The following ARSG variants were observed in gnomAD, a reference collection of about 807,000 sequenced individuals.
ARSG encodes the protein ASG.
Under a neutral mutation model 50.5 loss-of-function variants are expected in ARSG, and 37 were observed. That is an observed-to-expected ratio of 0.73 (90% CI 0.56 to 0.96). ARSG has a LOEUF of 0.96. Among genes scored for constraint, ARSG ranks in the 50% least tolerant of loss-of-function variants. The pLI, the probability that ARSG is intolerant of heterozygous loss-of-function variation, is 0.00. For missense variants in ARSG, 629 were observed against 675.3 expected (o/e 0.93, Z 0.76); for synonymous variants, 225 against 254.6 (o/e 0.88, Z 1.11).
At chr17:68,280,998 C>A (rs1220864580) in intron 1 of ARSG, among the ~76,000 whole-genome samples, 1 of 151,880 alleles carries the variant, frequency 6.6e-6, no homozygotes, top group East Asian at 1.9e-4. Flanking sequence ...TGGTGGCACA[C>A]ACCTGTAGTC....
chr17:68,385,561 GGGAGGGGAGGGGAGA>G (rs1030942145), intron 9 of ARSG, among the ~76,000 whole-genome samples: 1 of 137,118 alleles, frequency 7.3e-6, no homozygotes, highest in Admixed American at 7.3e-5. Context: ...GGGAGGCGAG[GGGAGGGGAGGGGAGA>G]GGAGGGGAGG....
intron 2 of ARSG, among the ~76,000 whole-genome samples, chr17:68,325,738 A>G (rs575458890): frequency 3.3e-5 from 5 of 152,300 alleles, no homozygotes; most frequent in South Asian, 2.1e-4. Context: ...TCCATGTGAT[A>G]GTCAAGGAAG....
At chr17:68,283,704 G>T in intron 1 of ARSG, among the ~76,000 whole-genome samples, 1 of 149,700 alleles carries the variant, frequency 6.7e-6, no homozygotes, top group South Asian at 2.1e-4. Context: ...TTGAAACCCT[G>T]TCTCTACTAA....
chr17:68,426,251 G>GGGGGGGGGGGGGGGGTGT, downstream of ARSG: 1 of 825,460 alleles, frequency 1.2e-6, no homozygotes, highest in Non-Finnish European at 1.9e-6. Flanking sequence ...GTGGGGAGCG[G>GGGGGGGGGGGGGGGGTGT]GGGCTCAAAT....
downstream of ARSG, among the ~76,000 whole-genome samples, chr17:68,426,463 G>A (rs912453182): frequency 2.6e-5 from 4 of 152,064 alleles, no homozygotes; most frequent in African/African-American, 9.7e-5. Context: ...GAACTCCTGA[G>A]CCTAAGGGAT....
chr17:68,426,244 G>GA (rs1555798458), downstream of ARSG: 18 of 985,622 alleles, frequency 1.8e-5, 1 homozygote, highest in Admixed American at 1.9e-4. Flanking sequence ...CTGGCGGGTG[G>GA]GGAGCGGGGG....
chr17:68,451,683 T>A, the ARSG span, among the ~76,000 whole-genome samples: 1,727 of 152,308 alleles, frequency 0.011, 31 homozygotes, highest in African/African-American at 0.039. Context: ...GGGGTGCCAA[T>A]ATGGGAGGGG....
chr17:68,432,512 G>C, the ARSG span, among the ~76,000 whole-genome samples: 3 of 152,194 alleles, frequency 2.0e-5, no homozygotes, highest in Non-Finnish European at 4.4e-5. Context: ...ACTTTGGGAG[G>C]TTGAGGCGGG....
the ARSG span, among the ~76,000 whole-genome samples, chr17:68,440,479 A>G: frequency 6.6e-6 from 1 of 152,144 alleles, no homozygotes; most frequent in South Asian, 2.1e-4. Flanking sequence ...GAACATTTGC[A>G]AAGCCTAGAA....
downstream of ARSG, chr17:68,420,931 C>G (rs150757415): frequency 6.2e-6 from 1 of 161,272 alleles, no homozygotes; most frequent in African/African-American, 2.4e-5. Context: ...GAGCTTCTCT[C>G]TCTTTTCTCT....
chr17:68,408,380 T>A (rs2081840248), intron 11 of ARSG, among the ~76,000 whole-genome samples: 1 of 150,372 alleles, frequency 6.7e-6, no homozygotes, highest in Non-Finnish European at 1.5e-5. Flanking sequence ...TGGTGTTTGG[T>A]TTTTTGTTCT....
chr17:68,433,505 T>C, the ARSG span: 2 of 1,613,992 alleles, frequency 1.2e-6, no homozygotes, highest in Non-Finnish European at 1.7e-6. Flanking sequence ...ATGTGTACCG[T>C]CTCGGTGTTA....
chr17:68,346,700 A>T, intron 3 of ARSG: 1 of 1,216,166 alleles, frequency 8.2e-7, no homozygotes, highest in Non-Finnish European at 1.0e-6. Context: ...TGATGAAACC[A>T]GGCAGGAAGC....
At chr17:68,308,033 G>A (rs1200511421) in intron 2 of ARSG, among the ~76,000 whole-genome samples, 1 of 152,186 alleles carries the variant, frequency 6.6e-6, no homozygotes, top group Non-Finnish European at 1.5e-5. Flanking sequence ...GCTAGGTACA[G>A]TGGCTCATGG....
Position 68,379,345 on chromosome 17 carries a change from A to G in ARSG, c.983-5719A>G, listed in dbSNP as rs766760162. Among the ~76,000 whole-genome samples, 11 of 151,122 alleles carry G rather than the reference A, an allele frequency of 7.3e-5. No homozygotes were observed. In the South Asian group the frequency reaches 8.3e-4, roughly 11 times the overall value. On this transcript the variant is annotated intron_variant, in intron 8 of 11. Transcript: ENST00000621439. ...AGCCTTGACCTCCGGGGCTCAAGCA[A>G]TCCTCCTGCTTCAGCCTCCCTAGTA... is the stretch of plus-strand genomic sequence containing the variant.
intron 6 of ARSG, among the ~76,000 whole-genome samples, chr17:68,368,286 G>A (rs1368610290): frequency 2.0e-5 from 3 of 152,202 alleles, no homozygotes; most frequent in Non-Finnish European, 2.9e-5. Flanking sequence ...TGATGAGGAC[G>A]AACCTAGACA....
At position 68,339,087 on chromosome 17, in the gene ARSG, AT is replaced by A. The variant is rs767096722; in HGVS notation, c.219-4505del. Among the ~76,000 whole-genome samples the A allele has an allele frequency of 4.2e-3, 620 of 147,502 alleles. 3 individuals carry two copies. Among genetic ancestry groups the A allele is most frequent in the South Asian group, 8.7e-3 (41 of 4,694 alleles). ...GAGCATTCTCCACTCAGTTTGTAGG[AT>A]TTTTTTTTTTTAAATGAAGTGATAT... On this transcript the variant is annotated intron_variant, in intron 2 of 11. Coordinates refer to ENST00000621439, the MANE Select transcript of ARSG (RefSeq NM_001267727.2).
At chr17:68,437,192 A>G in the ARSG span, among the ~76,000 whole-genome samples, 1 of 152,132 alleles carries the variant, frequency 6.6e-6, no homozygotes, top group Non-Finnish European at 1.5e-5. Context: ...CTTTCTGCAG[A>G]TGATTATATA....
At chr17:68,325,379 C>G (rs1171870451) in intron 2 of ARSG, among the ~76,000 whole-genome samples, 24 of 152,106 alleles carry the variant, frequency 1.6e-4, no homozygotes, top group African/African-American at 5.5e-4. Flanking sequence ...CCCACTTGTT[C>G]TACATTATGG....
Sources: gnomAD v4.1 joint callset for allele counts (sites outside exome capture counted in the v4.1 genomes callset) on GRCh38, gnomAD v4.1.1 for gene constraint, MANE v1.5 for transcripts, NCBI Gene and HGNC (gene_info 2026-07-23, HGNC 2026-07-21) for gene names.